CTNNA2: variants seen among roughly 807,000 people sequenced by gnomAD.
CTNNA2 encodes the protein catenin alpha-2.
CTNNA2 carries 42 observed loss-of-function variants against 101.0 expected under a neutral mutation model. The observed-to-expected ratio is 0.42, with a 90% CI of 0.32 to 0.54. CTNNA2 has a LOEUF of 0.54. CTNNA2 is among the 20% of genes least tolerant of loss of function. The pLI is 0.14. For missense variants in CTNNA2, 871 were observed against 1,223.1 expected, an observed-to-expected ratio of 0.71 and a Z score of 4.29; for synonymous variants, 450 against 456.4, an observed-to-expected ratio of 0.99 and a Z score of 0.18.
chr2:80,303,957 A>G lies in CTNNA2; in HGVS notation c.1057-89254A>G. 9.7e-7 allele frequency: 1 copy of G among 1,027,972 alleles called. No homozygotes were observed. The highest frequency in any genetic ancestry group is 1.3e-6 in the Non-Finnish European group (1 of 746,956). The allele number at this position is 1,027,972 out of a possible 1,614,324, so 63.7% of individuals were successfully genotyped here. ...CAAAAAATCAAATAAATACATAGAA[A>G]TAAAGAAGGACCCCCCTCCCCAAAA... On this transcript the variant is annotated intron_variant, in intron 7 of 18. Transcript: ENST00000402739. The surrounding 1 kb of genome is among the most constrained non-coding windows in gnomAD (Gnocchi z 7.7).
intron 18 of CTNNA2, among the ~76,000 whole-genome samples, chr2:80,621,486 A>G (rs957074211): frequency 6.6e-6 from 1 of 151,930 alleles, no homozygotes; most frequent in African/African-American, 2.4e-5. Context: ...CCACTTAGAA[A>G]GTTATATATA....
intron 7 of CTNNA2, among the ~76,000 whole-genome samples, chr2:80,251,629 C>T (rs1409893520): frequency 2.6e-5 from 4 of 152,294 alleles, no homozygotes; most frequent in South Asian, 4.1e-4. Context: ...AGTCTAGCCA[C>T]GATCTGATCC....
In CTNNA2 at chr2:80,480,513, A is replaced by G. The variant is rs566215554; in HGVS notation, c.1290+60912A>G. Among the ~76,000 whole-genome samples, 3 of 152,238 alleles carry G rather than the reference A, an allele frequency of 2.0e-5. No homozygotes were observed. In the East Asian group the frequency reaches 5.8e-4, roughly 29 times the overall value. On this transcript the variant is annotated intron_variant, in intron 9 of 18. Transcript: ENST00000402739. ...ACTGGTAAGTTTGCAGACTTGCCCCAGTCTATGAGATGTAAGTATCGTTGC... is the reference window on the plus strand; with the variant it reads ...ACTGGTAAGTTTGCAGACTTGCCCCGGTCTATGAGATGTAAGTATCGTTGC...
intron 9 of CTNNA2, among the ~76,000 whole-genome samples, chr2:80,436,717 A>G (rs1410802303): frequency 6.6e-6 from 1 of 152,140 alleles, no homozygotes; most frequent in African/African-American, 2.4e-5. Context: ...TGCTTCAAAG[A>G]TGGAGGCTTC....
intron 3 of CTNNA2, among the ~76,000 whole-genome samples, chr2:79,826,513 T>C (rs1282159084): frequency 6.6e-6 from 1 of 152,224 alleles, no homozygotes; most frequent in Non-Finnish European, 1.5e-5. Context: ...ATTAACCAAG[T>C]ACGCATGGCC....
intron 12 of CTNNA2, among the ~76,000 whole-genome samples, chr2:80,570,945 C>T (rs992436693): frequency 4.6e-5 from 7 of 152,134 alleles, no homozygotes; most frequent in African/African-American, 2.4e-5. Context: ...AGAGCATCCC[C>T]TATGAAGTCC....
chr2:79,288,508 C>G (rs761381268), intron 2 of CTNNA2, among the ~76,000 whole-genome samples: 6 of 152,156 alleles, frequency 3.9e-5, no homozygotes, highest in Non-Finnish European at 7.4e-5. Context: ...AGTTGGACAT[C>G]CAAGTAGTTT....
At chr2:80,591,063 C>G (rs1180262580) in intron 15 of CTNNA2, among the ~76,000 whole-genome samples, 1 of 152,050 alleles carries the variant, frequency 6.6e-6, no homozygotes. Context: ...TGACTCTGGT[C>G]ATGTTACTAG....
chr2:80,595,216 C>G (rs912240410), intron 15 of CTNNA2, among the ~76,000 whole-genome samples: 1 of 152,088 alleles, frequency 6.6e-6, no homozygotes, highest in Non-Finnish European at 1.5e-5. Context: ...CATGGTTAAG[C>G]TTATTCCTAA....
intron 7 of CTNNA2, among the ~76,000 whole-genome samples, chr2:80,297,923 G>T (rs780512138): frequency 6.6e-6 from 1 of 152,044 alleles, no homozygotes; most frequent in Non-Finnish European, 1.5e-5. Flanking sequence ...GTATTAGGAT[G>T]ATTAGTGCTA....
At chr2:80,566,256 A>G (rs1694052757) in intron 12 of CTNNA2, among the ~76,000 whole-genome samples, 2 of 152,178 alleles carry the variant, frequency 1.3e-5, no homozygotes, top group African/African-American at 4.8e-5. Flanking sequence ...AAGAAAACAG[A>G]AGCCAGCATC....
intron 7 of CTNNA2, among the ~76,000 whole-genome samples, chr2:80,006,727 C>T (rs985205326): frequency 1.3e-5 from 2 of 152,158 alleles, no homozygotes; most frequent in African/African-American, 2.4e-5. Flanking sequence ...TTCTTGTGGG[C>T]ACTACCCTAT....
intron 4 of CTNNA2, among the ~76,000 whole-genome samples, chr2:79,449,986 C>T (rs1190108535): frequency 6.6e-6 from 1 of 151,886 alleles, no homozygotes; most frequent in East Asian, 1.9e-4. Context: ...CAGTTTCTTC[C>T]AGTACTCATT....
chr2:80,179,526 A>G (rs1322103248), intron 7 of CTNNA2, among the ~76,000 whole-genome samples: 1 of 152,112 alleles, frequency 6.6e-6, no homozygotes, highest in Non-Finnish European at 1.5e-5. Flanking sequence ...GGCACCCGCC[A>G]CCACACCGGG....
intron 2 of CTNNA2, among the ~76,000 whole-genome samples, chr2:79,271,654 A>T (rs1435978984): frequency 6.6e-6 from 1 of 151,464 alleles, no homozygotes; most frequent in Non-Finnish European, 1.5e-5. Context: ...CAGGAGTCTG[A>T]CTCTTTGAAG....
At chr2:79,838,653 C>T (rs1272460975) in intron 3 of CTNNA2, among the ~76,000 whole-genome samples, 1 of 151,974 alleles carries the variant, frequency 6.6e-6, no homozygotes, top group Non-Finnish European at 1.5e-5. Flanking sequence ...GGAGATGAAA[C>T]AAGAAACTGG....
At position 80,581,753 on chromosome 2, in the gene CTNNA2, T is replaced by C; in HGVS notation, c.1941T>C (p.Tyr647=). The C allele has an allele frequency of 6.2e-7, 1 of 1,613,428 alleles. No homozygotes were observed. Residue 647 remains tyrosine (Y), a synonymous_variant, in exon 14 of 19, where the codon TAT becomes TAC. Coordinates refer to ENST00000402739, the MANE Select transcript of CTNNA2 (RefSeq NM_001282597.3). ...ATTCTGACTTTGAGCAGGAAGATTA[T>C]GATGTGCGTAGCAGGACAAGTGTTC... ...EDDSDFEQED[Y]DVRSRTSVQT... is the part of the protein sequence containing the mutation.
At chr2:80,477,466 T>C (rs909336690) in intron 9 of CTNNA2, among the ~76,000 whole-genome samples, 2 of 152,104 alleles carry the variant, frequency 1.3e-5, no homozygotes, top group African/African-American at 4.8e-5. Flanking sequence ...TCCAGAATAG[T>C]GTACATTGTA....
chr2:80,526,253 G>T (rs191861039), intron 9 of CTNNA2, among the ~76,000 whole-genome samples: 64 of 152,164 alleles, frequency 4.2e-4, no homozygotes, highest in African/African-American at 1.5e-3. Flanking sequence ...AGGCTGGAGT[G>T]CAGTGGTGCG....
Sources: gnomAD v4.1 joint callset for allele counts (sites outside exome capture counted in the v4.1 genomes callset) on GRCh38, gnomAD v4.1.1 for gene constraint, Gnocchi (gnomAD v3.1) non-coding constraint, MANE v1.5 for transcripts, NCBI Gene and HGNC (gene_info 2026-07-23, HGNC 2026-07-21) for gene names.